Variants in TTC29 observed in about 807,000 individuals in gnomAD.
TTC29 encodes tetratricopeptide repeat protein 29.
Under a neutral mutation model 58.1 loss-of-function variants are expected in TTC29, and 49 were observed. The ratio of observed to expected loss-of-function variants is 0.84; its 90% CI spans 0.67 to 1.07. The LOEUF (loss-of-function observed/expected upper bound fraction) is 1.07. Ranked by LOEUF, TTC29 falls within the 50% of genes least tolerant of loss-of-function variation. The probability of loss-of-function intolerance (pLI) is 0.00; values close to 1 mark genes in which losing one functional copy is unlikely to be tolerated. For synonymous variants in TTC29, 209 were observed against 196.8 expected (o/e 1.06, Z -0.52); for missense variants, 582 against 555.6 (o/e 1.05, Z -0.48).
At chr4:146,858,670 C>T (rs1051171894) in intron 8 of TTC29, among the ~76,000 whole-genome samples, 9 of 152,086 alleles carry the variant, frequency 5.9e-5, no homozygotes, top group Admixed American at 3.9e-4. Flanking sequence ...TAGTTATCTG[C>T]GTGTTAAGCC....
At chr4:146,921,765 G>C (rs1418696934) in intron 4 of TTC29, among the ~76,000 whole-genome samples, 1 of 150,920 alleles carries the variant, frequency 6.6e-6, no homozygotes, top group African/African-American at 2.4e-5. Flanking sequence ...TAATTGCCTA[G>C]CTTGATTGAA....
In TTC29 at chr4:146,916,844, G is replaced by C. The variant is rs560499343; in HGVS notation, c.177-7595C>G. On this transcript the variant is annotated intron_variant, in intron 4 of 12. Transcript: ENST00000325106. ...TCTGGTAACAGCAAAACATGTAGCT[G>C]TCTATGAGATCAGTTAACAAATATT... 1.3e-4 allele frequency among the ~76,000 whole-genome samples: 19 copies of C among 151,530 alleles called. No homozygotes were observed. The South Asian group carries it at 3.9e-3, about 31-fold the overall frequency.
chr4:146,707,416 A>T, intron 12 of TTC29, 69 bp downstream of exon 12: 1 of 1,124,566 alleles, frequency 8.9e-7, no homozygotes, highest in South Asian at 1.4e-5. Context: ...TGTTTGGAGA[A>T]TGAGATTATG....
At chr4:146,753,332 C>T (rs1162334001) in intron 11 of TTC29, among the ~76,000 whole-genome samples, 1 of 152,172 alleles carries the variant, frequency 6.6e-6, no homozygotes, top group Non-Finnish European at 1.5e-5. Context: ...CAGAGAAATG[C>T]AAATCAAAAC....
At chr4:146,868,742 A>C (rs60105943) in intron 7 of TTC29, among the ~76,000 whole-genome samples, 1 of 151,974 alleles carries the variant, frequency 6.6e-6, no homozygotes, top group African/African-American at 2.4e-5. Flanking sequence ...ATCTAACCTT[A>C]GTTTTTGGTC....
In TTC29 at chr4:146,857,255, G is replaced by A. The variant is rs111909444; in HGVS notation, c.885+10243C>T. ...CTTATGAAATGAAAATAAGGTAGGC[G>A]CTGTTTGTGTACTAGTGGAAGAGTG... is the stretch of plus-strand genomic sequence containing the variant. On this transcript the variant is annotated intron_variant, in intron 8 of 12. Coordinates refer to ENST00000325106, the MANE Select transcript of TTC29 (RefSeq NM_031956.4). 7.5e-3 allele frequency among the ~76,000 whole-genome samples: 1,058 copies of A among 140,192 alleles called. 4 individuals carry two copies. Among genetic ancestry groups the A allele is most frequent in the South Asian group, 0.034 (151 of 4,410 alleles). 92.0% of individuals were successfully genotyped at this position (140,192 alleles called of 152,430 possible).
chr4:146,825,930 C>CT (rs368541711), intron 9 of TTC29, among the ~76,000 whole-genome samples: 159 of 145,660 alleles, frequency 1.1e-3, no homozygotes, highest in Middle Eastern at 7.1e-3. Flanking sequence ...GCAACCCCTG[C>CT]TTTTTTTTTT....
At chr4:146,875,253 A>G (rs921661341) in intron 6 of TTC29, among the ~76,000 whole-genome samples, 5 of 152,164 alleles carry the variant, frequency 3.3e-5, no homozygotes, top group African/African-American at 9.6e-5. Flanking sequence ...CTTTAACATT[A>G]TGTATGCCAT....
chr4:146,754,146 AAAG>A (rs1746248436), intron 11 of TTC29, among the ~76,000 whole-genome samples: 2 of 151,778 alleles, frequency 1.3e-5, no homozygotes, highest in Admixed American at 1.3e-4. Context: ...ATTTAAAAAA[AAAG>A]AAATTATAAC....
At chr4:146,834,108 A>G (rs1561171437) in intron 8 of TTC29, among the ~76,000 whole-genome samples, 1 of 152,190 alleles carries the variant, frequency 6.6e-6, no homozygotes, top group African/African-American at 2.4e-5. Flanking sequence ...GTGACGCCTT[A>G]CTTTTGGAAA....
At chr4:146,831,898 T>C (rs1728187904) in intron 9 of TTC29, 1 of 196,096 alleles carries the variant, frequency 5.1e-6, no homozygotes, top group South Asian at 8.3e-5. Flanking sequence ...TATAAATAAA[T>C]TTTCCCCTTG....
At chr4:146,906,027 AAAT>A (rs1182035191) in intron 5 of TTC29, among the ~76,000 whole-genome samples, 1 of 152,198 alleles carries the variant, frequency 6.6e-6, no homozygotes. Context: ...AGTCAAGTGT[AAAT>A]AATGTTTGAA....
intron 6 of TTC29, among the ~76,000 whole-genome samples, chr4:146,876,629 C>T (rs913851080): frequency 1.3e-5 from 2 of 152,190 alleles, no homozygotes; most frequent in African/African-American, 2.4e-5. Context: ...AATCAGTAAA[C>T]GGTCTGTAGA....
At chr4:146,733,856 G>A (rs567970484) in intron 11 of TTC29, among the ~76,000 whole-genome samples, 1 of 152,254 alleles carries the variant, frequency 6.6e-6, no homozygotes, top group South Asian at 2.1e-4. Context: ...CTCTTTCACT[G>A]CATCAGTGGG....
At chr4:146,718,574 G>T (rs1371889368) in intron 11 of TTC29, among the ~76,000 whole-genome samples, 1 of 152,102 alleles carries the variant, frequency 6.6e-6, no homozygotes, top group East Asian at 1.9e-4. Context: ...CTTTCTTTCT[G>T]TAGAGTTGTT....
chr4:146,738,633 A>G (rs971948242), intron 11 of TTC29, among the ~76,000 whole-genome samples: 1 of 152,064 alleles, frequency 6.6e-6, no homozygotes, highest in Non-Finnish European at 1.5e-5. Flanking sequence ...GTCTTTTGTC[A>G]TAATGTTGGA....
intron 11 of TTC29, among the ~76,000 whole-genome samples, chr4:146,747,892 C>T (rs1745667576): frequency 6.6e-6 from 1 of 152,186 alleles, no homozygotes; most frequent in African/African-American, 2.4e-5. Context: ...TTGACTAGCT[C>T]CCCATAGTCT....
chr4:146,774,650 T>C (rs537105246), intron 11 of TTC29, among the ~76,000 whole-genome samples: 3 of 152,294 alleles, frequency 2.0e-5, no homozygotes, highest in South Asian at 4.1e-4. Context: ...GTGCGGTAGA[T>C]TTTAAAATAT....
At chr4:146,935,741 T>A (rs1359113621) in intron 4 of TTC29, among the ~76,000 whole-genome samples, 1 of 152,152 alleles carries the variant, frequency 6.6e-6, no homozygotes, top group African/African-American at 2.4e-5. Flanking sequence ...TATCATTGTC[T>A]CTCCCACTGT....
Sources: gnomAD v4.1 joint callset for allele counts (sites outside exome capture counted in the v4.1 genomes callset) on GRCh38, gnomAD v4.1.1 for gene constraint, MANE v1.5 for transcripts, NCBI Gene and HGNC (gene_info 2026-07-23, HGNC 2026-07-21) for gene names.